Variants in GALNT17 observed in about 807,000 individuals in gnomAD.
The protein encoded by GALNT17 is UDP-GalNAc:polypeptide N-acetylgalactosaminyltransferase-like 3.
Under a neutral mutation model 63.7 loss-of-function variants are expected in GALNT17, and 29 were observed. The ratio of observed to expected loss-of-function variants is 0.46; its 90% CI spans 0.34 to 0.62. The LOEUF is 0.62. Among genes scored for constraint, GALNT17 ranks in the 20% least tolerant of loss-of-function variants. The pLI is 0.01. For missense variants in GALNT17, 603 were observed against 799.6 expected, an observed-to-expected ratio of 0.75 and a Z score of 2.97; for synonymous variants, 305 against 318.3, an observed-to-expected ratio of 0.96 and a Z score of 0.45.
At chr7:71,599,084 G>C (rs7793718) in intron 6 of GALNT17, among the ~76,000 whole-genome samples, 11,543 of 152,152 alleles carry the variant, frequency 0.076, 499 homozygotes, top group South Asian at 0.13. Flanking sequence ...TGCAGGCTGA[G>C]AGTGGTGAGG....
At chr7:71,149,478 C>T (rs1041955258) in intron 1 of GALNT17, among the ~76,000 whole-genome samples, 12 of 151,886 alleles carry the variant, frequency 7.9e-5, no homozygotes, top group East Asian at 5.9e-4. Context: ...GTAGGGGGGG[C>T]GAAACGTGTG....
At chr7:71,537,346 A>G (rs752456992) in intron 5 of GALNT17, among the ~76,000 whole-genome samples, 2 of 152,094 alleles carry the variant, frequency 1.3e-5, no homozygotes, top group Non-Finnish European at 2.9e-5. Context: ...TCACATCCTG[A>G]TTCCCAAGCC....
chr7:71,313,560 G>A (rs570156742), intron 1 of GALNT17, among the ~76,000 whole-genome samples: 4 of 152,264 alleles, frequency 2.6e-5, no homozygotes, highest in South Asian at 2.1e-4. Context: ...ATTATTTACC[G>A]TGAAAGAAGC....
At chr7:71,570,116 G>A (rs1462144599) in intron 5 of GALNT17, among the ~76,000 whole-genome samples, 1 of 151,388 alleles carries the variant, frequency 6.6e-6, no homozygotes, top group Non-Finnish European at 1.5e-5. Context: ...GGCCTCACAT[G>A]GTTCTTGTCT....
intron 6 of GALNT17, among the ~76,000 whole-genome samples, chr7:71,598,564 A>G (rs1229439806): frequency 1.3e-5 from 2 of 152,136 alleles, no homozygotes; most frequent in Non-Finnish European, 2.9e-5. Flanking sequence ...TTTTTAATTT[A>G]GTAGATTTCA....
intron 6 of GALNT17, among the ~76,000 whole-genome samples, chr7:71,595,660 GACACAC>G (rs61389262): frequency 0.1 from 14,824 of 142,578 alleles, 1,370 homozygotes; most frequent in African/African-American, 0.25. Context: ...GAGAGACTGA[GACACAC>G]ACACACACAC....
At chr7:71,623,826 C>G (rs1217122468) in intron 6 of GALNT17, among the ~76,000 whole-genome samples, 1 of 152,164 alleles carries the variant, frequency 6.6e-6, no homozygotes, top group East Asian at 1.9e-4. Context: ...AGCATACAGT[C>G]TTCCCCCGTC....
In GALNT17 at chr7:71,675,451, T is replaced by C. The variant is rs542787469; in HGVS notation, c.1405-1760T>C. Among the ~76,000 whole-genome samples, 19 of 152,254 alleles carry C rather than the reference T, an allele frequency of 1.2e-4. No individual in the cohort carries two copies. In the South Asian group the frequency reaches 3.3e-3, roughly 27 times the overall value. On this transcript the variant is annotated intron_variant, in intron 8 of 10. Coordinates refer to ENST00000333538, the MANE Select transcript of GALNT17 (RefSeq NM_022479.3). ...AGCAAATATTCTGTTAAAACATTCA[T>C]GTCCTTAATATGTAAAGAGCTCTTG...
intron 5 of GALNT17, among the ~76,000 whole-genome samples, chr7:71,529,311 G>C (rs1423699977): frequency 6.6e-6 from 1 of 151,334 alleles, no homozygotes; most frequent in Non-Finnish European, 1.5e-5. Flanking sequence ...GGATGGGGGG[G>C]CAATTAGAAA....
intron 1 of GALNT17, among the ~76,000 whole-genome samples, chr7:71,297,981 T>C (rs1478647067): frequency 6.6e-6 from 1 of 152,164 alleles, no homozygotes; most frequent in Non-Finnish European, 1.5e-5. Context: ...ACACAACAGA[T>C]GTTTATGGTT....
At chr7:71,680,823 TC>T (rs1230616650) in intron 9 of GALNT17, among the ~76,000 whole-genome samples, 7 of 147,574 alleles carry the variant, frequency 4.7e-5, no homozygotes, top group East Asian at 2.0e-4. Context: ...CTTCCTTCCT[TC>T]CCCCCTTCCT....
intron 5 of GALNT17, among the ~76,000 whole-genome samples, chr7:71,556,294 T>A (rs1329981583): frequency 3.9e-5 from 6 of 152,164 alleles, no homozygotes; most frequent in African/African-American, 1.4e-4. Flanking sequence ...TTGTGGAGCT[T>A]ATTGTATTTG....
intron 2 of GALNT17, among the ~76,000 whole-genome samples, chr7:71,372,542 C>T (rs1252040163): frequency 1.3e-5 from 2 of 152,154 alleles, no homozygotes; most frequent in South Asian, 2.1e-4. Context: ...ACCTCTTCCT[C>T]CCGGGCTCAA....
chr7:71,335,792 C>T (rs1002792325), intron 2 of GALNT17, 59 bp downstream of exon 2: 1 of 1,334,718 alleles, frequency 7.5e-7, no homozygotes, highest in Non-Finnish European at 9.8e-7. Flanking sequence ...GGTGTAGACC[C>T]CTACGTTTGT....
At chr7:71,429,635 T>C (rs1006587169) in intron 5 of GALNT17, among the ~76,000 whole-genome samples, 6 of 152,206 alleles carry the variant, frequency 3.9e-5, no homozygotes, top group African/African-American at 7.2e-5. Context: ...CTCCAACTCC[T>C]GGGCTCAAGC....
intron 2 of GALNT17, among the ~76,000 whole-genome samples, chr7:71,357,097 T>G (rs1053888714): frequency 2.6e-5 from 4 of 151,996 alleles, no homozygotes; most frequent in African/African-American, 7.2e-5. Flanking sequence ...GTGGGAGTGT[T>G]TTTTGTGTGT....
intron 5 of GALNT17, 23 bp downstream of exon 5, chr7:71,421,128 C>A (rs199903990): frequency 1.1e-4 from 170 of 1,612,456 alleles, no homozygotes; most frequent in Non-Finnish European, 1.3e-4. Context: ...TGAGCCCTGG[C>A]GGCCAACGAG....
chr7:71,698,398 G>T (rs1030958584), intron 9 of GALNT17, among the ~76,000 whole-genome samples: 2 of 152,074 alleles, frequency 1.3e-5, no homozygotes. Context: ...AAAATCATAA[G>T]AATAATGTCT....
chr7:71,528,534 C>T (rs1788662517), intron 5 of GALNT17, among the ~76,000 whole-genome samples: 1 of 152,130 alleles, frequency 6.6e-6, no homozygotes, highest in South Asian at 2.1e-4. Context: ...ATCCTGGGAC[C>T]CAGGCCAAAG....
Sources: allele counts gnomAD v4.1 joint callset (sites outside exome capture counted in the v4.1 genomes callset), GRCh38; gene constraint gnomAD v4.1.1; transcripts MANE v1.5; gene names NCBI Gene and HGNC (gene_info 2026-07-23, HGNC 2026-07-21).